The following CPNE4 variants were observed in gnomAD, a reference collection of about 807,000 sequenced individuals.
CPNE4 encodes copine-4.
In CPNE4, 25 loss-of-function variants were observed where a neutral mutation model predicts 67.9. The ratio of observed to expected loss-of-function variants is 0.37; its 90% CI spans 0.27 to 0.51. CPNE4 has a LOEUF of 0.51. Ranked by LOEUF, CPNE4 falls within the 20% of genes least tolerant of loss-of-function variation. The pLI is 0.93. For missense variants in CPNE4, 464 were observed against 690.8 expected (o/e 0.67, Z 3.68); for synonymous variants, 242 against 244.9 (o/e 0.99, Z 0.11).
chr3:131,883,944 A>T (rs2087779542), intron 2 of CPNE4, among the ~76,000 whole-genome samples: 1 of 152,082 alleles, frequency 6.6e-6, no homozygotes, highest in Non-Finnish European at 1.5e-5. Flanking sequence ...CTCACTGCTT[A>T]CTCATTCAGA....
At chr3:131,861,523 C>G (rs151018100) in intron 2 of CPNE4, among the ~76,000 whole-genome samples, 1 of 151,336 alleles carries the variant, frequency 6.6e-6, no homozygotes, top group Non-Finnish European at 1.5e-5. Context: ...CTCCCCCTCC[C>G]GGGTTCAAGC....
intron 2 of CPNE4, among the ~76,000 whole-genome samples, chr3:131,828,848 AC>A (rs1019110862): frequency 1.3e-5 from 2 of 152,190 alleles, no homozygotes; most frequent in Non-Finnish European, 2.9e-5. Flanking sequence ...ACAAAACAAA[AC>A]AAAAAAACAA....
intron 1 of CPNE4, among the ~76,000 whole-genome samples, chr3:132,033,976 G>C (rs1312914469): frequency 6.6e-6 from 1 of 152,142 alleles, no homozygotes; most frequent in Non-Finnish European, 1.5e-5. Context: ...AAGAAGCGCT[G>C]AAGGACTACG....
At chr3:131,619,932 G>A (rs1181613705) in intron 7 of CPNE4, among the ~76,000 whole-genome samples, 2 of 152,190 alleles carry the variant, frequency 1.3e-5, no homozygotes, top group Non-Finnish European at 2.9e-5. Context: ...GAATTGACAG[G>A]ACTTGACTGA....
At chr3:131,896,850 T>C (rs2107755978) in intron 2 of CPNE4, among the ~76,000 whole-genome samples, 1 of 152,214 alleles carries the variant, frequency 6.6e-6, no homozygotes, top group East Asian at 1.9e-4. Context: ...ATCTTAGACA[T>C]TAAGCATAAT....
intron 1 of CPNE4, among the ~76,000 whole-genome samples, chr3:131,948,888 C>T (rs2071637903): frequency 6.6e-6 from 1 of 152,026 alleles, no homozygotes; most frequent in Non-Finnish European, 1.5e-5. Context: ...ATAAATAGGC[C>T]ATTCTAAAGA....
At chr3:131,602,409 C>A (rs1466376867) in intron 7 of CPNE4, among the ~76,000 whole-genome samples, 2 of 152,122 alleles carry the variant, frequency 1.3e-5, no homozygotes, top group Admixed American at 1.3e-4. Context: ...AAAAGCCAGA[C>A]TAAGAAATGC....
At chr3:131,801,412 A>T (rs1458712321) in intron 2 of CPNE4, among the ~76,000 whole-genome samples, 1 of 33,104 alleles carries the variant, frequency 3.0e-5, no homozygotes. Flanking sequence ...AGGTACATAT[A>T]TACGTGTGTG....
intron 7 of CPNE4, among the ~76,000 whole-genome samples, chr3:131,594,272 G>A (rs1311631935): frequency 2.0e-5 from 3 of 152,100 alleles, no homozygotes; most frequent in South Asian, 2.1e-4. Flanking sequence ...AATAAATCTG[G>A]TGGCATCACA....
In CPNE4 at chr3:131,784,520, T is replaced by C. The variant is rs142942875; in HGVS notation, c.181-60895A>G. Among the ~76,000 whole-genome samples the C allele has an allele frequency of 2.6e-3, 390 of 152,134 alleles. 10 individuals are homozygous for C. The East Asian group carries it at 0.035, about 14-fold the overall frequency. On this transcript the variant is annotated intron_variant, in intron 2 of 15. Transcript: ENST00000429747. ...GAGGCAGCCTGCAAGTGTGGGTGAA[T>C]TATCACATTGAGGGGTAACCCTGAA...
chr3:131,798,722 G>T (rs2083989989), intron 2 of CPNE4, among the ~76,000 whole-genome samples: 1 of 152,072 alleles, frequency 6.6e-6, no homozygotes, highest in Admixed American at 6.6e-5. Context: ...TTAGAAGCAA[G>T]CAAGGAATGA....
chr3:131,925,608 G>A lies in CPNE4; in HGVS notation c.-1-20164C>T, dbSNP rs371243161. 3 of 152,246 alleles carry A rather than the reference G, an allele frequency of 2.0e-5. No individual in the cohort carries two copies. In the East Asian group the frequency reaches 5.8e-4, roughly 29 times the overall value. The allele number at this position is 152,246 out of a possible 1,614,324, so 9.4% of individuals were successfully genotyped here. On this transcript the variant is annotated intron_variant, in intron 1 of 15. Transcript: ENST00000429747. Reference sequence around the variant, plus strand: ...CCTGAATGACAAAATTTGGTTTGGGGATAGGGGAGAAAAAAATAGGAAGAG... The same window carrying A: ...CCTGAATGACAAAATTTGGTTTGGGAATAGGGGAGAAAAAAATAGGAAGAG...
intron 11 of CPNE4, among the ~76,000 whole-genome samples, chr3:131,557,930 T>C (rs551514486): frequency 3.9e-5 from 6 of 152,108 alleles, no homozygotes; most frequent in African/African-American, 1.4e-4. Context: ...ATAGAGAAAC[T>C]GGGAGTCTCC....
At chr3:131,826,002 G>A (rs767302871) in intron 2 of CPNE4, among the ~76,000 whole-genome samples, 8 of 152,144 alleles carry the variant, frequency 5.3e-5, no homozygotes, top group East Asian at 1.9e-4. Flanking sequence ...ATTTAGAGGG[G>A]TTAAGTAAAT....
At chr3:131,944,118 T>C (rs989178512) in intron 1 of CPNE4, among the ~76,000 whole-genome samples, 9 of 152,268 alleles carry the variant, frequency 5.9e-5, no homozygotes, top group Non-Finnish European at 2.9e-5. Flanking sequence ...GCACTAAAAA[T>C]GTTAATTGAA....
intron 7 of CPNE4, among the ~76,000 whole-genome samples, chr3:131,655,490 T>G (rs1225263043): frequency 6.6e-6 from 1 of 152,202 alleles, no homozygotes; most frequent in Non-Finnish European, 1.5e-5. Flanking sequence ...GCAGGGCAGA[T>G]GAGCTAGAGG....
chr3:131,816,873 T>G (rs2084763436), intron 2 of CPNE4, among the ~76,000 whole-genome samples: 1 of 152,208 alleles, frequency 6.6e-6, no homozygotes. Flanking sequence ...TATACCGTCT[T>G]TTTAAAAATC....
At chr3:131,812,045 C>G (rs2084550283) in intron 2 of CPNE4, among the ~76,000 whole-genome samples, 1 of 152,004 alleles carries the variant, frequency 6.6e-6, no homozygotes, top group African/African-American at 2.4e-5. Context: ...ATAGTCCTCA[C>G]TAGAAATTTT....
chr3:131,535,475 G>C (rs1935086264), intron 15 of CPNE4, 146 bp from the exon 16 acceptor site: 6 of 713,544 alleles, frequency 8.4e-6, no homozygotes, highest in Non-Finnish European at 1.3e-5. Context: ...TCAAGCAATA[G>C]TTGTCAGATT....
Sources: gnomAD v4.1 joint callset for allele counts (sites outside exome capture counted in the v4.1 genomes callset) on GRCh38, gnomAD v4.1.1 for gene constraint, MANE v1.5 for transcripts, NCBI Gene and HGNC (gene_info 2026-07-23, HGNC 2026-07-21) for gene names.